Variants in PGBD5 observed in about 807,000 individuals in gnomAD.
PGBD5 encodes piggyBac transposable element derived 5.
PGBD5 carries 14 observed loss-of-function variants against 47.9 expected under a neutral mutation model. The ratio of observed to expected loss-of-function variants is 0.29; its 90% CI spans 0.19 to 0.46. The LOEUF is 0.46. PGBD5 is among the 20% of genes least tolerant of loss of function. PGBD5 has a pLI of 1.00. For missense variants in PGBD5, 635 were observed against 716.0 expected (o/e 0.89, Z 1.29); for synonymous variants, 316 against 306.3 (o/e 1.03, Z -0.33).
intron 1 of PGBD5, among the ~76,000 whole-genome samples, chr1:230,400,271 C>T (rs1175168906): frequency 6.6e-6 from 1 of 152,198 alleles, no homozygotes; most frequent in African/African-American, 2.4e-5. Flanking sequence ...GAGCTTTGCT[C>T]AAATCTTACC....
intron 1 of PGBD5, among the ~76,000 whole-genome samples, chr1:230,416,338 T>C (rs937239629): frequency 1.3e-5 from 2 of 152,204 alleles, no homozygotes; most frequent in African/African-American, 2.4e-5. Context: ...TGTGAACATT[T>C]TTTACCGGCA....
At chr1:230,409,863 G>A (rs1427122365) in intron 1 of PGBD5, among the ~76,000 whole-genome samples, 1 of 151,658 alleles carries the variant, frequency 6.6e-6, no homozygotes, top group Non-Finnish European at 1.5e-5. Context: ...TAAACAACTT[G>A]ATCAAAATAT....
intron 1 of PGBD5, among the ~76,000 whole-genome samples, chr1:230,417,537 C>T (rs1573010): frequency 0.051 from 7,705 of 152,340 alleles, 701 homozygotes; most frequent in East Asian, 0.28. Context: ...CGACTGCCCA[C>T]GGGCAAAATG....
At chr1:230,385,200 T>C (rs1263904622) in intron 1 of PGBD5, among the ~76,000 whole-genome samples, 1 of 134,760 alleles carries the variant, frequency 7.4e-6, no homozygotes, top group Non-Finnish European at 1.7e-5. Flanking sequence ...TTTGTCCTCT[T>C]GTTTGCTGAA....
At chr1:230,378,959 A>G (rs756711004) in intron 1 of PGBD5, among the ~76,000 whole-genome samples, 1 of 152,140 alleles carries the variant, frequency 6.6e-6, no homozygotes, top group African/African-American at 2.4e-5. Flanking sequence ...TGGCCAAGTC[A>G]CGAGCCTGCA....
rs1182631142 is a variant in PGBD5 at position 230,404,993 on chromosome 1, TA to T, written c.331+20604del. Among the ~76,000 whole-genome samples the T allele has an allele frequency of 4.1e-5, 6 of 146,738 alleles. No homozygotes were observed. The South Asian group carries it at 1.1e-3, about 26-fold the overall frequency. On this transcript the variant is annotated intron_variant, in intron 1 of 6. Coordinates refer to ENST00000391860, the MANE Select transcript of PGBD5 (RefSeq NM_001258311.2). ...AGCTATCAAGTTTTTTTTTTTTTTT[TA>T]AAAAGATATATGAAGAGGTGAAACC...
At chr1:230,345,463 T>C (rs918646318) in intron 3 of PGBD5, among the ~76,000 whole-genome samples, 1 of 152,250 alleles carries the variant, frequency 6.6e-6, no homozygotes, top group Non-Finnish European at 1.5e-5. Flanking sequence ...AGGGGAAACC[T>C]GGCTAGCTCC....
chr1:230,346,254 T>A (rs889298042), intron 3 of PGBD5, among the ~76,000 whole-genome samples: 1 of 152,152 alleles, frequency 6.6e-6, no homozygotes, highest in Non-Finnish European at 1.5e-5. Flanking sequence ...TTGCCCAGGC[T>A]GGTCTTGAAT....
Position 230,320,081 on chromosome 1 carries a change from T to G in PGBD5, c.*3344A>C, listed in dbSNP as rs1667013563. The G allele has an allele frequency of 6.6e-6, 1 of 152,168 alleles. No individual in the cohort carries two copies. Among genetic ancestry groups the G allele is most frequent in the Non-Finnish European group, 1.5e-5 (1 of 68,074 alleles). The allele number at this position is 152,168 out of a possible 1,614,324, so 9.4% of individuals were successfully genotyped here. ...TTTCACCATATTGGCCAGGCTGGTCTCAATCTCCTGGCCTTGTGATCCGCC... is the reference window on the plus strand; with the variant it reads ...TTTCACCATATTGGCCAGGCTGGTCGCAATCTCCTGGCCTTGTGATCCGCC... On this transcript the variant is annotated 3_prime_UTR_variant, in exon 7 of 7. Coordinates refer to ENST00000391860, the MANE Select transcript of PGBD5 (RefSeq NM_001258311.2).
intron 1 of PGBD5, among the ~76,000 whole-genome samples, chr1:230,399,958 G>A (rs188949615): frequency 6.6e-6 from 1 of 152,336 alleles, no homozygotes; most frequent in Non-Finnish European, 1.5e-5. Flanking sequence ...CTTAGGGTCT[G>A]TTCTCAACCT....
intron 1 of PGBD5, among the ~76,000 whole-genome samples, chr1:230,364,182 G>T (rs963548704): frequency 6.6e-6 from 1 of 152,234 alleles, no homozygotes; most frequent in Non-Finnish European, 1.5e-5. Context: ...TACTCCCGTG[G>T]GGGTAGGTGC....
intron 2 of PGBD5, 136 bp from the exon 3 acceptor site, chr1:230,351,228 C>A: frequency 1.0e-6 from 1 of 952,596 alleles, no homozygotes; most frequent in Non-Finnish European, 1.5e-6. Context: ...CTCTCTGATC[C>A]TGACCCTTCT....
chr1:230,350,538 G>A (rs751437417), intron 3 of PGBD5, among the ~76,000 whole-genome samples: 1 of 152,208 alleles, frequency 6.6e-6, no homozygotes, highest in Non-Finnish European at 1.5e-5. Flanking sequence ...TGGTGGGAGT[G>A]GGGAGGCCTT....
At chr1:230,400,329 T>C (rs1379191042) in intron 1 of PGBD5, among the ~76,000 whole-genome samples, 1 of 152,140 alleles carries the variant, frequency 6.6e-6, no homozygotes, top group Non-Finnish European at 1.5e-5. Context: ...ACAGACGCCT[T>C]CCACCCCTCC....
chr1:230,410,752 A>C (rs1431923602), intron 1 of PGBD5, among the ~76,000 whole-genome samples: 1 of 152,176 alleles, frequency 6.6e-6, no homozygotes, highest in African/African-American at 2.4e-5. Context: ...ACTTTGCACT[A>C]ATCTTAAGCA....
intron 1 of PGBD5, among the ~76,000 whole-genome samples, chr1:230,401,988 G>C (rs146945938): frequency 6.6e-6 from 1 of 152,210 alleles, no homozygotes; most frequent in Non-Finnish European, 1.5e-5. Context: ...GTCTCACACT[G>C]TAAGACAGCA....
chr1:230,362,181 G>C, intron 1 of PGBD5: 2 of 1,274,358 alleles, frequency 1.6e-6, no homozygotes, highest in South Asian at 1.4e-5. Flanking sequence ...GGCTCACTCT[G>C]CTGCACGAGA....
At chr1:230,403,051 G>A (rs368264620) in intron 1 of PGBD5, among the ~76,000 whole-genome samples, 1 of 152,140 alleles carries the variant, frequency 6.6e-6, no homozygotes, top group African/African-American at 2.4e-5. Flanking sequence ...GAGGTCGTTA[G>A]AGTCCTATCA....
chr1:230,416,241 T>C (rs569315005), intron 1 of PGBD5, among the ~76,000 whole-genome samples: 2 of 152,178 alleles, frequency 1.3e-5, no homozygotes, highest in South Asian at 2.1e-4. Context: ...TTTGGTGGCA[T>C]TGGTGTCTCT....
Sources: allele counts gnomAD v4.1 joint callset (sites outside exome capture counted in the v4.1 genomes callset), GRCh38; gene constraint gnomAD v4.1.1; transcripts MANE v1.5; gene names NCBI Gene and HGNC (gene_info 2026-07-23, HGNC 2026-07-21).